Variants in SETD6 observed in about 807,000 individuals in gnomAD.
The protein encoded by SETD6 is N-lysine methyltransferase SETD6.
A neutral mutation model predicts 52.7 loss-of-function variants in SETD6; 67 were observed. That is an observed-to-expected ratio of 1.27 (90% confidence interval 1.04 to 1.56). The LOEUF (loss-of-function observed/expected upper bound fraction) is 1.56. Ranked by LOEUF, SETD6 falls within the 40% of genes most tolerant of loss-of-function variation. The probability of loss-of-function intolerance (pLI) is 0.00; values close to 1 mark genes in which losing one functional copy is unlikely to be tolerated. For synonymous variants in SETD6, 307 were observed against 250.2 expected, an observed-to-expected ratio of 1.23 and a Z score of -2.14; for missense variants, 712 against 607.5, an observed-to-expected ratio of 1.17 and a Z score of -1.81.
rs144224023 is a variant in SETD6 at position 58,520,651 on chromosome 16, C to T, written c.*1622C>T. 68 of 385,110 alleles carry T rather than the reference C, an allele frequency of 1.8e-4. No individual in the cohort carries two copies. Among genetic ancestry groups the T allele is most frequent in the Middle Eastern group, 1.5e-3 (2 of 1,320 alleles). 23.9% of individuals were successfully genotyped at this position (385,110 alleles called of 1,614,324 possible). A position where few individuals can be genotyped will look rare whatever the true frequency, so the allele number is the denominator to read the frequency against. ...TACAAGGTACCAGTTTATGTACTTG[C>T]CTTGGACACAGCTTGCACAAAGCCA... On this transcript the variant is annotated 3_prime_UTR_variant, in exon 8 of 8. Coordinates refer to ENST00000219315, the MANE Select transcript of SETD6 (RefSeq NM_001160305.4).
At position 58,523,473 on chromosome 16, in the gene SETD6, T is replaced by C. The variant is rs2039478630; in HGVS notation, c.*4444T>C. On this transcript the variant is annotated 3_prime_UTR_variant, in exon 8 of 8. Transcript: ENST00000219315. ...TGGCTATTTGGGTACCGGAGCTGAT[T>C]TGCAATTGCATTCAAAAAGAGATAG... is the stretch of plus-strand genomic sequence containing the variant. 6.2e-7 allele frequency: 1 copy of C among 1,613,954 alleles called. No homozygotes were observed.
chr16:58,517,943 A>C, intron 5 of SETD6, 108 bp from the exon 6 acceptor site: 1 of 1,361,916 alleles, frequency 7.3e-7, no homozygotes, highest in Non-Finnish European at 1.0e-6. Context: ...AGTTAACAGC[A>C]TCAGTCATGG....
chr16:58,518,374 A>C (rs2039244651), intron 6 of SETD6, 27 bp from the exon 7 acceptor site: 1 of 1,580,982 alleles, frequency 6.3e-7, no homozygotes, highest in South Asian at 1.2e-5. Flanking sequence ...GTGTACTGAG[A>C]CTTTCACATT....
In SETD6 at chr16:58,516,020, G is replaced by A; in HGVS notation, c.257G>A (p.Gly86Glu). 6.5e-7 allele frequency: 1 copy of A among 1,539,162 alleles called. No individual in the cohort carries two copies. ...GMVARESVQA[G>E]ELLFVVPRAA... is the part of the protein sequence containing the mutation. ...GTGGCCCGGGAGAGCGTGCAGGCCG[G>A]AGAGCTGTTGTTCGTGGTGCCGCGG... Residue 86 changes from glycine (G) to glutamate (E), a missense_variant, in exon 2 of 8, where the codon GGA becomes GAA. Gly to Glu is a moderately conservative substitution (Grantham distance 98). Transcript: ENST00000219315.
chr16:58,516,341 C>G lies in SETD6; in HGVS notation c.474C>G (p.Phe158Leu). 1.2e-6 allele frequency: 2 copies of G among 1,609,928 alleles called. No individual in the cohort carries two copies. Among genetic ancestry groups the G allele is most frequent in the South Asian group, 1.1e-5 (1 of 91,088 alleles). The change falls in exon 3 of 8, where the codon TTC (phenylalanine) becomes TTG (leucine). Residue 158 changes from phenylalanine (F) to leucine (L), a missense_variant and splice_region_variant. Phe to Leu is a conservative substitution (Grantham distance 22). Transcript: ENST00000219315. ...PELGRLEHPM[F>L]WPEEERRCLL... ...TGGGCCGCTTGGAGCACCCGATGTT[C>G]TGGTGAGAGCCTTGGGAGGGGTTGG...
intron 5 of SETD6, chr16:58,517,836 C>A: frequency 1.6e-6 from 1 of 623,972 alleles, no homozygotes; most frequent in Non-Finnish European, 2.8e-6. Flanking sequence ...TGCAGAAATC[C>A]ACCCAGTTAA....
chr16:58,516,475 C>T lies in SETD6; in HGVS notation c.477-3C>T. On this transcript the variant is annotated splice_polypyrimidine_tract_variant and splice_region_variant and intron_variant, in intron 3 of 7. Transcript: ENST00000219315. ...GGGAACCTGGGTGTGGGTGTCCCTGCAGGCCAGAGGAGGAGCGCCGGTGCC... is the reference window on the plus strand; with the variant it reads ...GGGAACCTGGGTGTGGGTGTCCCTGTAGGCCAGAGGAGGAGCGCCGGTGCC... 6.2e-7 allele frequency: 1 copy of T among 1,613,856 alleles called. No individual in the cohort carries two copies. Among genetic ancestry groups the T allele is most frequent in the Non-Finnish European group, 8.5e-7 (1 of 1,179,886 alleles).
Position 58,522,300 on chromosome 16 carries a change from A to AAATTTTTC in SETD6, c.*3272_*3279dup, listed in dbSNP as rs1260891698. Among the ~76,000 whole-genome samples the AAATTTTTC allele has an allele frequency of 1.3e-5, 2 of 151,150 alleles. No homozygotes were observed. Among genetic ancestry groups the AAATTTTTC allele is most frequent in the South Asian group, 4.2e-4 (2 of 4,780 alleles). The stretch of plus-strand genomic sequence containing the variant: ...TTGCTAGTTCACATGTAAATTGGTA[A>AAATTTTTC]AATTTTTCCGAATGCCAGTAAGCAT... On this transcript the variant is annotated 3_prime_UTR_variant, in exon 8 of 8. Coordinates refer to ENST00000219315, the MANE Select transcript of SETD6 (RefSeq NM_001160305.4).
rs1460047680 is a variant in SETD6, at chr16:58,519,063, G to T, written c.*34G>T. ...CTGTTCCCTGAAGGAACAGCAATAA[G>T]AACTTTATTCTAAGCTAATACTCAT... On this transcript the variant is annotated 3_prime_UTR_variant, in exon 8 of 8. Transcript: ENST00000219315. The T allele has an allele frequency of 4.5e-6, 7 of 1,563,298 alleles. No homozygotes were observed. In the South Asian group the frequency reaches 7.3e-5, roughly 16 times the overall value.
Position 58,523,614 on chromosome 16 carries a change from G to T in SETD6, c.*4585G>T. 1 of 969,088 alleles carries T rather than the reference G, an allele frequency of 1.0e-6. No individual in the cohort carries two copies. Among genetic ancestry groups the T allele is most frequent in the Admixed American group, 2.4e-5 (1 of 41,774 alleles). 60.0% of individuals were successfully genotyped at this position (969,088 alleles called of 1,614,324 possible). A position where few individuals can be genotyped will look rare whatever the true frequency, so the allele number is the denominator to read the frequency against. ...GACAGAGGCTTTCAAATTAATCTTT[G>T]GTTTAAAGCAGTGGTTCTTGGGACC... is the stretch of plus-strand genomic sequence containing the variant. On this transcript the variant is annotated 3_prime_UTR_variant, in exon 8 of 8. Transcript: ENST00000219315.
rs1567379604 is a variant in SETD6 at position 58,520,025 on chromosome 16, A to G, written c.*996A>G. 1 of 152,386 alleles carries G rather than the reference A, an allele frequency of 6.6e-6. No homozygotes were observed. The highest frequency in any genetic ancestry group is 2.1e-4 in the South Asian group (1 of 4,828). The allele number at this position is 152,386 out of a possible 1,614,324, so 9.4% of individuals were successfully genotyped here. On this transcript the variant is annotated 3_prime_UTR_variant, in exon 8 of 8. Coordinates refer to ENST00000219315, the MANE Select transcript of SETD6 (RefSeq NM_001160305.4). ...AAGTAGGGGAGCTGAAGCCCAGGAA[A>G]AGGCTACAAAATACAACACAGGGAC...
At position 58,520,945 on chromosome 16, in the gene SETD6, G is replaced by C. The variant is rs1001923105; in HGVS notation, c.*1916G>C. The C allele has an allele frequency of 3.1e-6, 5 of 1,611,806 alleles. No individual in the cohort carries two copies. The African/African-American group carries it at 4.0e-5, about 13-fold the overall frequency. ...CCTCTAGACTGACACGTACAACAGA[G>C]ATGCAGTTTCGTCTAACTGGCACCT... On this transcript the variant is annotated 3_prime_UTR_variant, in exon 8 of 8. Coordinates refer to ENST00000219315, the MANE Select transcript of SETD6 (RefSeq NM_001160305.4).
At chr16:58,516,988 C>T (rs369607433) in intron 5 of SETD6, 60 bp downstream of exon 5, 1 of 1,612,936 alleles carries the variant, frequency 6.2e-7, no homozygotes, top group South Asian at 1.1e-5. Flanking sequence ...GTGTCTTAGG[C>T]TCCATTCTCT....
At position 58,516,231 on chromosome 16, in the gene SETD6, T is replaced by G. The variant is rs922478400; in HGVS notation, c.364T>G (p.Trp122Gly). 1.3e-6 allele frequency: 2 copies of G among 1,596,744 alleles called. No individual in the cohort carries two copies. Among genetic ancestry groups the G allele is most frequent in the African/African-American group, 2.7e-5 (2 of 74,724 alleles). Residue 122 changes from tryptophan (W) to glycine (G), a missense_variant, in exon 3 of 8, where the codon TGG becomes GGG. Transcript: ENST00000219315. ...AGTTGCGCTGCAGAGCCAGTCGGGCTGGGTGCCACTGCTGCTGGCGCTGCT... is the reference window on the plus strand; with the variant it reads ...AGTTGCGCTGCAGAGCCAGTCGGGCGGGGTGCCACTGCTGCTGGCGCTGCT... ...ERVALQSQSG[W>G]VPLLLALLHE...
chr16:58,518,175 A>G lies in SETD6; in HGVS notation c.917A>G (p.Asn306Ser). ...MYGFVEPYPD[N>S]TDDTADIQMV... Reference sequence around the variant, plus strand: ...GGTTTTGTTGAACCATATCCTGACAACACAGATGACACAGCTGACATTCAG... The same window carrying G: ...GGTTTTGTTGAACCATATCCTGACAGCACAGATGACACAGCTGACATTCAG... The change falls in exon 6 of 8, where the codon AAC (asparagine) becomes AGC (serine). Residue 306 changes from asparagine (N) to serine (S), a missense_variant. Transcript: ENST00000219315. 1 of 1,614,254 alleles carries G rather than the reference A, an allele frequency of 6.2e-7. No homozygotes were observed. The highest frequency in any genetic ancestry group is 8.5e-7 in the Non-Finnish European group (1 of 1,180,042).
Position 58,519,099 on chromosome 16 carries a change from A to AAAAG in SETD6, c.*72_*75dup. 1 of 1,438,318 alleles carries AAAAG rather than the reference A, an allele frequency of 7.0e-7. No individual in the cohort carries two copies. The highest frequency in any genetic ancestry group is 1.4e-5 in the African/African-American group (1 of 70,140). The allele number at this position is 1,438,318 out of a possible 1,614,324, so 89.1% of individuals were successfully genotyped here. ...TAAGCTAATACTCATTGATGTTTGA[A>AAAAG]AAAGAGGAAAATTTGGATCTTTCTT... On this transcript the variant is annotated 3_prime_UTR_variant, in exon 8 of 8. Coordinates refer to ENST00000219315, the MANE Select transcript of SETD6 (RefSeq NM_001160305.4).
chr16:58,522,126 T>A lies in SETD6; in HGVS notation c.*3097T>A. 6.6e-6 allele frequency among the ~76,000 whole-genome samples: 1 copy of A among 151,166 alleles called. No individual in the cohort carries two copies. Among genetic ancestry groups the A allele is most frequent in the East Asian group, 1.9e-4 (1 of 5,152 alleles). On this transcript the variant is annotated 3_prime_UTR_variant, in exon 8 of 8. Coordinates refer to ENST00000219315, the MANE Select transcript of SETD6 (RefSeq NM_001160305.4). Reference sequence around the variant, plus strand: ...CGAGGTCGGGAGTTCAAGACCAGCCTGGCCAAGATGGTGAAACCCCGTCTC... The same window carrying A: ...CGAGGTCGGGAGTTCAAGACCAGCCAGGCCAAGATGGTGAAACCCCGTCTC...
rs1164110631 is a variant in SETD6, at chr16:58,519,586, G to A, written c.*557G>A. Reference sequence around the variant, plus strand: ...TCTGGCCATAAAACTTGACAGTCATGAAAGGTAAGGCAAATTTTAAGTGGG... The same window carrying A: ...TCTGGCCATAAAACTTGACAGTCATAAAAGGTAAGGCAAATTTTAAGTGGG... On this transcript the variant is annotated 3_prime_UTR_variant, in exon 8 of 8. Transcript: ENST00000219315. 1.3e-5 allele frequency: 2 copies of A among 151,454 alleles called. No homozygotes were observed. Among genetic ancestry groups the A allele is most frequent in the African/African-American group, 4.9e-5 (2 of 41,104 alleles). The allele number at this position is 151,454 out of a possible 1,614,324, so 9.4% of individuals were successfully genotyped here. A position where few individuals can be genotyped will look rare whatever the true frequency, so the allele number is the denominator to read the frequency against.
At chr16:58,515,664 T>C (rs370612865) in intron 1 of SETD6, 100 bp downstream of exon 1, 22 of 1,407,794 alleles carry the variant, frequency 1.6e-5, no homozygotes, top group East Asian at 5.7e-5. Context: ...CTCCCGCGGG[T>C]CCCGCGCCCC....
Sources: allele counts gnomAD v4.1 joint callset (sites outside exome capture counted in the v4.1 genomes callset), GRCh38; gene constraint gnomAD v4.1.1; transcripts MANE v1.5; gene names NCBI Gene and HGNC (gene_info 2026-07-23, HGNC 2026-07-21).